MGAT4C: variants seen among roughly 807,000 people sequenced by gnomAD.
MGAT4C encodes alpha-1,3-mannosyl-glycoprotein 4-beta-N-acetylglucosaminyltransferase C.
A neutral mutation model predicts 40.1 loss-of-function variants in MGAT4C; 19 were observed. That is an observed-to-expected ratio of 0.47 (90% CI 0.33 to 0.70). MGAT4C has a LOEUF of 0.70. Ranked by LOEUF, MGAT4C falls within the 30% of genes least tolerant of loss-of-function variation. The probability of loss-of-function intolerance (pLI) is 0.02; values close to 1 mark genes in which losing one functional copy is unlikely to be tolerated. For missense variants in MGAT4C, 491 were observed against 563.2 expected, an observed-to-expected ratio of 0.87 and a Z score of 1.30; for synonymous variants, 181 against 187.1, an observed-to-expected ratio of 0.97 and a Z score of 0.27.
intron 4 of MGAT4C, among the ~76,000 whole-genome samples, chr12:86,271,408 T>C (rs914169674): frequency 6.6e-6 from 1 of 152,082 alleles, no homozygotes; most frequent in African/African-American, 2.4e-5. Context: ...GCCACAGGTG[T>C]ATAAAAAATG....
At position 86,119,077 on chromosome 12, in the gene MGAT4C, T is replaced by C. The variant is rs141314460; in HGVS notation, c.-56-69354A>G. On this transcript the variant is annotated intron_variant, in intron 1 of 4. Coordinates refer to ENST00000611864, the MANE Select transcript of MGAT4C (RefSeq NM_001351288.2). ...GTAGAACTCAAGAGAGCCTAATTTA[T>C]ACAATGAAATAATGTTACATAGTTT... 2.6e-5 allele frequency among the ~76,000 whole-genome samples: 4 copies of C among 152,236 alleles called. No individual in the cohort carries two copies. The East Asian group carries it at 7.7e-4, about 29-fold the overall frequency.
At chr12:86,735,974 A>G (rs1950979746) in intron 1 of MGAT4C, among the ~76,000 whole-genome samples, 1 of 151,792 alleles carries the variant, frequency 6.6e-6, no homozygotes, top group African/African-American at 2.4e-5. Flanking sequence ...ACCACCCTGA[A>G]GAGATATTCA....
chr12:86,308,966 G>C (rs187738183), intron 4 of MGAT4C, among the ~76,000 whole-genome samples: 5 of 150,594 alleles, frequency 3.3e-5, no homozygotes, highest in African/African-American at 1.2e-4. Context: ...TTTTTGAAGA[G>C]ACTATTTAGT....
chr12:86,770,911 T>C (rs1315007756), intron 1 of MGAT4C, among the ~76,000 whole-genome samples: 1 of 152,084 alleles, frequency 6.6e-6, no homozygotes, highest in African/African-American at 2.4e-5. Context: ...TTGAATTGTG[T>C]CTCCTTCCCC....
chr12:86,217,660 T>C (rs1344457174), intron 1 of MGAT4C, among the ~76,000 whole-genome samples: 1 of 152,188 alleles, frequency 6.6e-6, no homozygotes, highest in Non-Finnish European at 1.5e-5. Context: ...GTTAAGAATT[T>C]TAATTTATAG....
chr12:86,767,796 G>A (rs1230082380), intron 1 of MGAT4C, among the ~76,000 whole-genome samples: 2 of 152,092 alleles, frequency 1.3e-5, no homozygotes, highest in Non-Finnish European at 2.9e-5. Flanking sequence ...TGCAGAAAAG[G>A]CCTTTGACAA....
chr12:86,607,041 T>C (rs1184792923), intron 2 of MGAT4C, among the ~76,000 whole-genome samples: 3 of 152,100 alleles, frequency 2.0e-5, no homozygotes, highest in Non-Finnish European at 2.9e-5. Flanking sequence ...GGAAAGTATA[T>C]GATGAACTAT....
chr12:86,789,808 G>C (rs1951993588), intron 1 of MGAT4C, among the ~76,000 whole-genome samples: 1 of 152,080 alleles, frequency 6.6e-6, no homozygotes, highest in Non-Finnish European at 1.5e-5. Context: ...ACTTTGAATA[G>C]ATTAACTTAT....
At chr12:86,504,260 TC>T (rs1243626297) in intron 2 of MGAT4C, among the ~76,000 whole-genome samples, 4 of 152,110 alleles carry the variant, frequency 2.6e-5, no homozygotes, top group Non-Finnish European at 5.9e-5. Context: ...AAATGCACTA[TC>T]CTATGACTCA....
At chr12:86,079,720 A>G (rs1870462103) in intron 1 of MGAT4C, among the ~76,000 whole-genome samples, 1 of 151,838 alleles carries the variant, frequency 6.6e-6, no homozygotes, top group Non-Finnish European at 1.5e-5. Flanking sequence ...AATAATGTAT[A>G]TGGGTAAATG....
Position 86,191,591 on chromosome 12 carries a change from A to T in MGAT4C, c.-57+64648T>A, listed in dbSNP as rs539063019. ...TCCCAGCTCAAGTACAACATACATG[A>T]TCTGAAAGTTTCTATATCTATCCTG... On this transcript the variant is annotated intron_variant, in intron 1 of 4. Coordinates refer to ENST00000611864, the MANE Select transcript of MGAT4C (RefSeq NM_001351288.2). Among the ~76,000 whole-genome samples the T allele has an allele frequency of 1.3e-3, 196 of 148,668 alleles. 1 individual carries two copies. Among genetic ancestry groups the T allele is most frequent in the African/African-American group, 4.7e-3 (190 of 40,730 alleles).
chr12:86,087,971 A>C (rs777067687), intron 1 of MGAT4C, among the ~76,000 whole-genome samples: 1 of 151,986 alleles, frequency 6.6e-6, no homozygotes. Flanking sequence ...CACATTACCC[A>C]ACCTCAAACT....
intron 3 of MGAT4C, among the ~76,000 whole-genome samples, chr12:86,383,722 T>C (rs1955998316): frequency 6.6e-6 from 1 of 152,130 alleles, no homozygotes; most frequent in Non-Finnish European, 1.5e-5. Flanking sequence ...TAACTTGGTT[T>C]TGATTTTACA....
chr12:86,677,905 C>T (rs1949898041), intron 2 of MGAT4C, among the ~76,000 whole-genome samples: 1 of 152,070 alleles, frequency 6.6e-6, no homozygotes, highest in Non-Finnish European at 1.5e-5. Flanking sequence ...TCTTCTTTTT[C>T]CTAACCTCTA....
chr12:86,030,422 C>T (rs1382661704), intron 2 of MGAT4C, among the ~76,000 whole-genome samples: 1 of 151,678 alleles, frequency 6.6e-6, no homozygotes, highest in Non-Finnish European at 1.5e-5. Context: ...AGTATGACTA[C>T]ATGTACAGAG....
intron 2 of MGAT4C, among the ~76,000 whole-genome samples, chr12:86,656,906 GTTTAAA>G (rs1167996201): frequency 6.6e-6 from 1 of 151,886 alleles, no homozygotes; most frequent in African/African-American, 2.4e-5. Flanking sequence ...CTTAATTTTT[GTTTAAA>G]TTTAGCTACT....
Position 86,711,838 on chromosome 12 carries a change from C to A in MGAT4C, c.-229+15371G>T, listed in dbSNP as rs77701558. ...AGTGCAAAATGAAAATGTGAAACCC[C>A]TTGTTAACAATTATTAAGAATTTCA... On this transcript the variant is annotated intron_variant, in intron 2 of 7. Transcript: ENST00000548651. Among the ~76,000 whole-genome samples, 14 of 152,196 alleles carry A rather than the reference C, an allele frequency of 9.2e-5. No individual in the cohort carries two copies. In the East Asian group the frequency reaches 2.7e-3, roughly 29 times the overall value.
intron 2 of MGAT4C, among the ~76,000 whole-genome samples, chr12:86,533,433 G>A (rs922634285): frequency 6.6e-6 from 1 of 151,898 alleles, no homozygotes; most frequent in Non-Finnish European, 1.5e-5. Context: ...TTTTGGGCCT[G>A]CTTGTACCTT....
intron 4 of MGAT4C, among the ~76,000 whole-genome samples, chr12:86,295,480 G>C (rs1037027099): frequency 2.0e-4 from 30 of 152,140 alleles, no homozygotes; most frequent in African/African-American, 7.2e-4. Flanking sequence ...TTTTCGCAGT[G>C]AGTGTTACAG....
Sources: gnomAD v4.1 joint callset for allele counts (sites outside exome capture counted in the v4.1 genomes callset) on GRCh38, gnomAD v4.1.1 for gene constraint, MANE v1.5 for transcripts, NCBI Gene and HGNC (gene_info 2026-07-23, HGNC 2026-07-21) for gene names.